UBTD1: variants seen among roughly 807,000 people sequenced by gnomAD.
UBTD1 encodes the protein ubiquitin domain containing 1.
In UBTD1, 19 loss-of-function variants were observed where a neutral mutation model predicts 21.7. The observed-to-expected ratio is 0.87, with a 90% CI of 0.61 to 1.28. The LOEUF is 1.28. UBTD1 is among the 50% of genes most tolerant of loss of function. The pLI is 0.00. For missense variants in UBTD1, 282 were observed against 315.1 expected, an observed-to-expected ratio of 0.89 and a Z score of 0.80; for synonymous variants, 116 against 135.1, an observed-to-expected ratio of 0.86 and a Z score of 0.98.
At chr10:97,503,060 GT>G (rs2040384030) in intron 1 of UBTD1, among the ~76,000 whole-genome samples, 1 of 151,920 alleles carries the variant, frequency 6.6e-6, no homozygotes, top group Non-Finnish European at 1.5e-5. Context: ...AGGGCTAGAG[GT>G]GTGCACCACC....
At chr10:97,512,874 C>G (rs943188163) in intron 1 of UBTD1, among the ~76,000 whole-genome samples, 1 of 152,232 alleles carries the variant, frequency 6.6e-6, no homozygotes, top group Non-Finnish European at 1.5e-5. Flanking sequence ...CGCCCAAAGG[C>G]CCTGTCCTTC....
chr10:97,548,350 A>G (rs1335352060), intron 1 of UBTD1, among the ~76,000 whole-genome samples: 3 of 152,262 alleles, frequency 2.0e-5, no homozygotes, highest in African/African-American at 4.8e-5. Context: ...GTACGTGGCA[A>G]AGATGAGAGT....
At chr10:97,539,901 G>A (rs1263955459) in intron 1 of UBTD1, among the ~76,000 whole-genome samples, 2 of 150,556 alleles carry the variant, frequency 1.3e-5, no homozygotes, top group East Asian at 2.0e-4. Flanking sequence ...ACCTCCTTAA[G>A]CATTGCCAAA....
chr10:97,568,099 G>A lies in UBTD1; in HGVS notation c.256G>A (p.Ala86Thr), dbSNP rs1264658747. 3.7e-6 allele frequency: 6 copies of A among 1,613,788 alleles called. No homozygotes were observed. Among genetic ancestry groups the A allele is most frequent in the Non-Finnish European group, 5.1e-6 (6 of 1,180,036 alleles). ...TGCTGAAGCCAACGACCACGAGCTG[G>A]CCCAGGCCATCCTGGATGGAGCCAG... ...YAAEANDHEL[A>T]QAILDGASIT... The change falls in exon 2 of 3, where the codon GCC (alanine) becomes ACC (threonine). Residue 86 changes from alanine to threonine, a missense_variant. Ala to Thr is a moderately conservative substitution (Grantham distance 58). Coordinates refer to ENST00000370664, the MANE Select transcript of UBTD1 (RefSeq NM_024954.5).
intron 1 of UBTD1, among the ~76,000 whole-genome samples, chr10:97,550,398 AT>A (rs2040631260): frequency 6.6e-6 from 1 of 152,100 alleles, no homozygotes; most frequent in African/African-American, 2.4e-5. Flanking sequence ...TGGCTCACTT[AT>A]TCCAGTCCCT....
chr10:97,550,773 A>C (rs2040633452), intron 1 of UBTD1, among the ~76,000 whole-genome samples: 1 of 152,182 alleles, frequency 6.6e-6, no homozygotes, highest in South Asian at 2.1e-4. Context: ...TCATAGATGC[A>C]CACCAGCTCT....
At chr10:97,500,478 T>C (rs2040366651) in intron 1 of UBTD1, among the ~76,000 whole-genome samples, 1 of 152,242 alleles carries the variant, frequency 6.6e-6, no homozygotes, top group Non-Finnish European at 1.5e-5. Flanking sequence ...TTCTCTTGTC[T>C]GAAGGTAACT....
intron 1 of UBTD1, among the ~76,000 whole-genome samples, chr10:97,566,715 C>G (rs1015507505): frequency 2.0e-5 from 3 of 152,202 alleles, no homozygotes; most frequent in African/African-American, 7.2e-5. Flanking sequence ...TCCTTTTGCC[C>G]CAGCCAGTGG....
At chr10:97,519,519 C>A (rs748785591) in intron 1 of UBTD1, among the ~76,000 whole-genome samples, 2 of 152,102 alleles carry the variant, frequency 1.3e-5, no homozygotes, top group East Asian at 1.9e-4. Flanking sequence ...TGTGGTAAAC[C>A]TTTTGTGTGC....
intron 1 of UBTD1, among the ~76,000 whole-genome samples, chr10:97,533,304 A>G (rs1300587523): frequency 6.6e-6 from 1 of 152,142 alleles, no homozygotes; most frequent in Non-Finnish European, 1.5e-5. Flanking sequence ...CCACTGCTAG[A>G]GCCTGTCTGG....
At chr10:97,524,086 C>G (rs1208299612) in intron 1 of UBTD1, among the ~76,000 whole-genome samples, 1 of 152,118 alleles carries the variant, frequency 6.6e-6, no homozygotes, top group Non-Finnish European at 1.5e-5. Flanking sequence ...GGCTGCCCTC[C>G]CACCCTGATC....
At chr10:97,515,880 C>G (rs2040442120) in intron 1 of UBTD1, among the ~76,000 whole-genome samples, 2 of 152,218 alleles carry the variant, frequency 1.3e-5, no homozygotes, top group South Asian at 4.1e-4. Flanking sequence ...AGGAGCCACT[C>G]CTGATACCAT....
In UBTD1 at chr10:97,567,944, T is replaced by C. The variant is rs2040725873; in HGVS notation, c.101T>C (p.Leu34Pro). 1.2e-6 allele frequency: 2 copies of C among 1,614,142 alleles called. No individual in the cohort carries two copies. Among genetic ancestry groups the C allele is most frequent in the African/African-American group, 2.7e-5 (2 of 75,030 alleles). Residue 34 changes from leucine to proline, a missense_variant, in exon 2 of 3, where the codon CTT (leucine) becomes CCT (proline). Transcript: ENST00000370664. Reference sequence around the variant, plus strand: ...AATGAGCCCCTGAAGAAAGAGCGGCTTAAGTGGAAGAGCGACTACCCCATG... The same window carrying C: ...AATGAGCCCCTGAAGAAAGAGCGGCCTAAGTGGAAGAGCGACTACCCCATG... ...GRNEPLKKER[L>P]KWKSDYPMTD...
At chr10:97,524,500 AT>A (rs1159145181) in intron 1 of UBTD1, among the ~76,000 whole-genome samples, 1 of 152,098 alleles carries the variant, frequency 6.6e-6, no homozygotes, top group Non-Finnish European at 1.5e-5. Flanking sequence ...AGGATTCACC[AT>A]TCCTCCTGGA....
intron 1 of UBTD1, 68 bp from the exon 2 acceptor site, chr10:97,567,846 G>GAGGGGGAGGGC: frequency 2.7e-6 from 4 of 1,491,022 alleles, no homozygotes; most frequent in Non-Finnish European, 3.7e-6. Context: ...GAGGGGAGGG[G>GAGGGGGAGGGC]AGGGGGAGGG....
chr10:97,516,812 CAG>C (rs770256304), intron 1 of UBTD1, among the ~76,000 whole-genome samples: 9 of 151,796 alleles, frequency 5.9e-5, no homozygotes, highest in Admixed American at 1.3e-4. Context: ...CTCCTACAGT[CAG>C]GGGATGCTGT....
intron 1 of UBTD1, among the ~76,000 whole-genome samples, chr10:97,553,778 C>G (rs2040651577): frequency 6.6e-6 from 1 of 152,324 alleles, no homozygotes; most frequent in African/African-American, 2.4e-5. Flanking sequence ...CCCCCTCCCC[C>G]TCACCAGCCC....
intron 1 of UBTD1, among the ~76,000 whole-genome samples, chr10:97,503,796 T>A (rs2040387504): frequency 6.6e-6 from 1 of 152,160 alleles, no homozygotes; most frequent in East Asian, 1.9e-4. Context: ...AGTAAACACA[T>A]AGTCATGCAA....
rs142013910 is a variant in UBTD1 at position 97,570,496 on chromosome 10, C to G, written c.657C>G (p.Ile219Met). 1.2e-6 allele frequency: 2 copies of G among 1,609,076 alleles called. No individual in the cohort carries two copies. Residue 219 changes from isoleucine (I) to methionine (M), a missense_variant, in exon 3 of 3, where the codon ATC (isoleucine) becomes ATG (methionine). Coordinates refer to ENST00000370664, the MANE Select transcript of UBTD1 (RefSeq NM_024954.5). The surrounding 1 kb of genome is among the most constrained non-coding windows in gnomAD (Gnocchi z 6.6). ...AAGATTTTGTCATCCAGGTCATCAT[C>G]AACCAGCCCCCACCACCCCAGGACT... ...IQKDFVIQVI[I>M]NQPPPPQD
Sources: gnomAD v4.1 joint callset for allele counts (sites outside exome capture counted in the v4.1 genomes callset) on GRCh38, gnomAD v4.1.1 for gene constraint, Gnocchi (gnomAD v3.1) non-coding constraint, MANE v1.5 for transcripts, NCBI Gene and HGNC (gene_info 2026-07-23, HGNC 2026-07-21) for gene names.